BAZ1A: variants seen among roughly 807,000 people sequenced by gnomAD.
BAZ1A encodes the protein bromodomain adjacent to zinc finger domain protein 1A.
In BAZ1A, 50 loss-of-function variants were observed where a neutral mutation model predicts 185.2. The observed-to-expected ratio is 0.27, with a 90% CI of 0.22 to 0.34. The LOEUF (loss-of-function observed/expected upper bound fraction) is 0.34, where lower values mean the gene tolerates loss of function less well. Among genes scored for constraint, BAZ1A ranks in the 10% least tolerant of loss-of-function variants. The probability of loss-of-function intolerance (pLI) is 1.00; values close to 1 mark genes in which losing one functional copy is unlikely to be tolerated. For synonymous variants in BAZ1A, 571 were observed against 615.6 expected (o/e 0.93, Z 1.07); for missense variants, 1,356 against 1,839.9 (o/e 0.74, Z 4.81).
chr14:34,803,594 A>G (rs1881694636), intron 6 of BAZ1A, among the ~76,000 whole-genome samples: 1 of 150,970 alleles, frequency 6.6e-6, no homozygotes, highest in Non-Finnish European at 1.5e-5. Flanking sequence ...TATATTATAC[A>G]ATAATTTGTT....
chr14:34,823,802 C>G (rs952009658), intron 4 of BAZ1A, among the ~76,000 whole-genome samples: 5 of 152,072 alleles, frequency 3.3e-5, no homozygotes, highest in African/African-American at 9.7e-5. Flanking sequence ...TTTCAAGAGG[C>G]ATTCCAATAA....
At chr14:34,801,050 T>C (rs779462094) in intron 8 of BAZ1A, 44 bp downstream of exon 8, 1 of 1,402,160 alleles carries the variant, frequency 7.1e-7, no homozygotes, top group South Asian at 1.3e-5. Context: ...AGAAATATTC[T>C]TTCTTATTCC....
intron 4 of BAZ1A, among the ~76,000 whole-genome samples, chr14:34,812,230 G>T (rs1270080494): frequency 6.6e-6 from 1 of 151,424 alleles, no homozygotes; most frequent in Non-Finnish European, 1.5e-5. Flanking sequence ...AGATCTGGGG[G>T]GGGAGGGGAA....
At chr14:34,851,152 G>T (rs979677349) in intron 3 of BAZ1A, among the ~76,000 whole-genome samples, 2 of 151,768 alleles carry the variant, frequency 1.3e-5, no homozygotes, top group Non-Finnish European at 2.9e-5. Flanking sequence ...GGCCAACGTA[G>T]CGAAATCCCA....
At position 34,774,368 on chromosome 14, in the gene BAZ1A, T is replaced by G. The variant is rs1566553323; in HGVS notation, c.2956A>C (p.Ile986Leu). The change falls in exon 19 of 27, where the codon ATT (isoleucine) becomes CTT (leucine). Residue 986 changes from isoleucine (I) to leucine (L), a missense_variant. Transcript: ENST00000360310. Reference sequence around the variant, plus strand: ...GTTCCTTGGTAGATTCTATCTTCAATATCTAAAAGAAAATCTCTCAGCCTT... The same window carrying G: ...GTTCCTTGGTAGATTCTATCTTCAAGATCTAAAAGAAAATCTCTCAGCCTT... Reference protein sequence around the residue: ...ELRLRDFLLDIEDRIYQGTLG... With the variant: ...ELRLRDFLLDLEDRIYQGTLG... 3.1e-6 allele frequency: 5 copies of G among 1,613,572 alleles called. No individual in the cohort carries two copies. Among genetic ancestry groups the G allele is most frequent in the Non-Finnish European group, 4.2e-6 (5 of 1,179,844 alleles).
chr14:34,830,001 G>A (rs2042218035), intron 3 of BAZ1A, among the ~76,000 whole-genome samples: 1 of 152,066 alleles, frequency 6.6e-6, no homozygotes, highest in South Asian at 2.1e-4. Flanking sequence ...TTCTCTAGAG[G>A]GAGTTTATGT....
chr14:34,815,354 T>TA (rs2041990605), intron 4 of BAZ1A, among the ~76,000 whole-genome samples: 1 of 152,208 alleles, frequency 6.6e-6, no homozygotes, highest in Admixed American at 6.5e-5. Context: ...ACCTACAAGA[T>TA]AGAAACTACA....
At chr14:34,833,347 G>A (rs929512107) in intron 3 of BAZ1A, among the ~76,000 whole-genome samples, 11 of 152,168 alleles carry the variant, frequency 7.2e-5, no homozygotes, top group Admixed American at 5.9e-4. Flanking sequence ...ACCAAACATG[G>A]TGAAATCCCG....
intron 21 of BAZ1A, among the ~76,000 whole-genome samples, chr14:34,766,584 G>A (rs1878857982): frequency 6.6e-6 from 1 of 152,104 alleles, no homozygotes; most frequent in African/African-American, 2.4e-5. Flanking sequence ...AAAATGGAGA[G>A]CAAGGAAGTT....
chr14:34,860,700 A>G lies in BAZ1A; in HGVS notation c.392+1344T>C, dbSNP rs540936762. ...GGTGGGTGGATCACCTGAGGACAGG[A>G]GTTCAAGACCAGCCTGATGAAGTCC... On this transcript the variant is annotated intron_variant, in intron 3 of 26. Transcript: ENST00000360310. Among the ~76,000 whole-genome samples, 44 of 152,084 alleles carry G rather than the reference A, an allele frequency of 2.9e-4. No individual in the cohort carries two copies. In the South Asian group the frequency reaches 8.7e-3, roughly 30 times the overall value.
chr14:34,846,889 T>TA (rs894237319), intron 3 of BAZ1A, among the ~76,000 whole-genome samples: 38 of 151,486 alleles, frequency 2.5e-4, no homozygotes, highest in Non-Finnish European at 3.5e-4. Context: ...CCTCAGAACT[T>TA]AAAAAAAAAT....
chr14:34,827,738 A>C (rs2042184658), intron 3 of BAZ1A, among the ~76,000 whole-genome samples: 1 of 147,584 alleles, frequency 6.8e-6, no homozygotes, highest in African/African-American at 2.5e-5. Flanking sequence ...CTGTCTCAAA[A>C]AAAAAAAAAA....
rs140590013 is a variant in BAZ1A, at chr14:34,765,268, T to C, written c.3302A>G (p.Asp1101Gly). The C allele has an allele frequency of 4.3e-5, 70 of 1,611,256 alleles. No homozygotes were observed. Among genetic ancestry groups the C allele is most frequent in the East Asian group, 2.0e-4 (9 of 44,832 alleles). Residue 1101 changes from aspartate to glycine, a missense_variant and splice_region_variant, in exon 22 of 27, where the codon GAT (aspartate) becomes GGT (glycine). Coordinates refer to ENST00000360310, the MANE Select transcript of BAZ1A (RefSeq NM_013448.3). ...ATAAGAACGCCCACTGTCACTGGCA[T>C]CTTAAATGAAAAGGGAAAGTGATTA... Reference protein sequence around the residue: ...IERRFLKAPLDASDSGRSYKT... With the variant: ...IERRFLKAPLGASDSGRSYKT...
At chr14:34,829,716 C>T (rs1236826045) in intron 3 of BAZ1A, among the ~76,000 whole-genome samples, 1 of 152,138 alleles carries the variant, frequency 6.6e-6, no homozygotes, top group African/African-American at 2.4e-5. Flanking sequence ...TTCTGTAAAC[C>T]ATTATCCACC....
intron 9 of BAZ1A, among the ~76,000 whole-genome samples, chr14:34,798,489 G>C (rs546138630): frequency 6.6e-6 from 1 of 152,212 alleles, no homozygotes; most frequent in Non-Finnish European, 1.5e-5. Flanking sequence ...GGAAGGATAA[G>C]GCAGCAATAT....
chr14:34,777,943 A>G (rs916768439), intron 17 of BAZ1A, among the ~76,000 whole-genome samples: 1 of 152,172 alleles, frequency 6.6e-6, no homozygotes, highest in African/African-American at 2.4e-5. Flanking sequence ...GTGAGCCGAG[A>G]TGGCGCCACT....
At chr14:34,812,226 G>C (rs924712338) in intron 4 of BAZ1A, among the ~76,000 whole-genome samples, 1 of 150,646 alleles carries the variant, frequency 6.6e-6, no homozygotes, top group Non-Finnish European at 1.5e-5. Flanking sequence ...GCAGAGATCT[G>C]GGGGGGGAGG....
intron 3 of BAZ1A, among the ~76,000 whole-genome samples, chr14:34,827,800 T>C (rs907231528): frequency 4.6e-5 from 7 of 152,010 alleles, no homozygotes; most frequent in Non-Finnish European, 7.4e-5. Flanking sequence ...TGGGGCCTTA[T>C]AATTTTTGAA....
chr14:34,873,178 T>C (rs1484515841), intron 2 of BAZ1A, among the ~76,000 whole-genome samples: 3 of 152,178 alleles, frequency 2.0e-5, no homozygotes, highest in Non-Finnish European at 4.4e-5. Context: ...AACCTCACTA[T>C]TCATTTCTTA....
Sources: allele counts gnomAD v4.1 joint callset (sites outside exome capture counted in the v4.1 genomes callset), GRCh38; gene constraint gnomAD v4.1.1; transcripts MANE v1.5; gene names NCBI Gene and HGNC (gene_info 2026-07-23, HGNC 2026-07-21).